Variants in UBE3C observed in about 807,000 individuals in gnomAD.
The protein encoded by UBE3C is ubiquitin protein ligase E3C.
Under a neutral mutation model 129.4 loss-of-function variants are expected in UBE3C, and 42 were observed. The observed-to-expected ratio is 0.32, with a 90% CI of 0.25 to 0.42. The LOEUF is 0.42. Among genes scored for constraint, UBE3C ranks in the 10% least tolerant of loss-of-function variants. The pLI is 1.00. For synonymous variants in UBE3C, 510 were observed against 492.4 expected (o/e 1.04, Z -0.47); for missense variants, 1,049 against 1,319.1 (o/e 0.80, Z 3.17).
intron 9 of UBE3C, 73 bp downstream of exon 9, chr7:157,184,102 C>G: frequency 1.3e-6 from 2 of 1,564,252 alleles, no homozygotes; most frequent in South Asian, 1.2e-5. Context: ...TTTCTGTCCA[C>G]CCGTAGTTTC....
At chr7:157,228,352 A>C (rs1461607854) in intron 17 of UBE3C, among the ~76,000 whole-genome samples, 3 of 152,214 alleles carry the variant, frequency 2.0e-5, no homozygotes, top group African/African-American at 7.2e-5. Context: ...AGAAACCGTC[A>C]CATTCCCTCA....
Position 157,140,165 on chromosome 7 carries a change from C to T in UBE3C, c.66+827C>T, listed in dbSNP as rs145085428. ...CTGTGTGGTCTTGTTCCCGCCCCTC[C>T]CTTCCCACCCCTTCCCATCATTTCT... is the stretch of plus-strand genomic sequence containing the variant. On this transcript the variant is annotated intron_variant, in intron 1 of 22. Coordinates refer to ENST00000348165, the MANE Select transcript of UBE3C (RefSeq NM_014671.3). 1.2e-3 allele frequency: 301 copies of T among 254,138 alleles called. 2 individuals carry two copies. The highest frequency in any genetic ancestry group is 6.4e-3 in the African/African-American group (275 of 43,284). The allele number at this position is 254,138 out of a possible 1,614,324, so 15.7% of individuals were successfully genotyped here.
intron 19 of UBE3C, 70 bp downstream of exon 19, chr7:157,248,650 C>T: frequency 6.6e-7 from 1 of 1,520,562 alleles, no homozygotes; most frequent in Non-Finnish European, 9.1e-7. Context: ...TGTGGAAGTC[C>T]ATTTGTGTTA....
At chr7:157,139,473 G>T in intron 1 of UBE3C, 135 bp downstream of exon 1, 5 of 820,194 alleles carry the variant, frequency 6.1e-6, no homozygotes, top group Middle Eastern at 4.1e-4. Context: ...CCCTGGCGGG[G>T]ACTCGGGGCT....
Position 157,192,460 on chromosome 7 carries a change from G to A in UBE3C, c.1331+5439G>A, listed in dbSNP as rs149573821. 1,750 of 749,402 alleles carry A rather than the reference G, an allele frequency of 2.3e-3. 33 individuals carry two copies. The Admixed American group carries it at 0.028, about 12-fold the overall frequency. The allele number at this position is 749,402 out of a possible 1,614,324, so 46.4% of individuals were successfully genotyped here. On this transcript the variant is annotated intron_variant, in intron 10 of 22. Coordinates refer to ENST00000348165, the MANE Select transcript of UBE3C (RefSeq NM_014671.3). Reference sequence around the variant, plus strand: ...TAGAAAATGTAAAGGCCAAGATCCAGGATAAGGAAGGAATTCCTCCTGATC... The same window carrying A: ...TAGAAAATGTAAAGGCCAAGATCCAAGATAAGGAAGGAATTCCTCCTGATC...
At chr7:157,186,116 C>T (rs1808798189) in intron 9 of UBE3C, among the ~76,000 whole-genome samples, 1 of 152,044 alleles carries the variant, frequency 6.6e-6, no homozygotes, top group Non-Finnish European at 1.5e-5. Flanking sequence ...TTTGTGTAGC[C>T]TTTGATTTTA....
chr7:157,139,390 GCTCGGGGCTGGGACTCGGGGCTGGA>G, intron 1 of UBE3C, 52 bp downstream of exon 1: 4 of 1,502,038 alleles, frequency 2.7e-6, no homozygotes, highest in Non-Finnish European at 3.5e-6. Context: ...CGCGGCCGGG[GCTCGGGGCTGGGACTCGGGGCTGGA>G]CTCGGGGCTG....
chr7:157,156,730 A>C (rs76641879), intron 1 of UBE3C, among the ~76,000 whole-genome samples: 1 of 148,216 alleles, frequency 6.7e-6, no homozygotes, highest in African/African-American at 2.6e-5. Flanking sequence ...AAAAAAAAAA[A>C]CACAAGCTAG....
chr7:157,211,167 G>GGAGAGAGAGAGAGAGA (rs3039783), intron 13 of UBE3C, among the ~76,000 whole-genome samples: 9,648 of 136,804 alleles, frequency 0.071, 462 homozygotes, highest in East Asian at 0.16. Flanking sequence ...CCATATGTCT[G>GGAGAGAGAGAGAGAGA]GAGAGAGAGA....
intron 18 of UBE3C, among the ~76,000 whole-genome samples, chr7:157,247,101 G>T (rs1043821868): frequency 6.6e-6 from 1 of 152,040 alleles, no homozygotes; most frequent in Non-Finnish European, 1.5e-5. Flanking sequence ...ATGTCGGTTG[G>T]TCTGGAACTC....
intron 4 of UBE3C, among the ~76,000 whole-genome samples, chr7:157,173,356 G>C (rs1046885261): frequency 1.3e-5 from 2 of 152,104 alleles, no homozygotes; most frequent in Non-Finnish European, 2.9e-5. Context: ...AGCCTGGGCG[G>C]TTGAATGTTG....
intron 10 of UBE3C, chr7:157,197,970 C>A: frequency 6.2e-7 from 1 of 1,609,646 alleles, no homozygotes; most frequent in Non-Finnish European, 8.5e-7. Flanking sequence ...GAACCTCAAT[C>A]TAGGTTTTAT....
intron 22 of UBE3C, 42 bp from the exon 23 acceptor site, chr7:157,267,542 CA>C (rs1252644788): frequency 6.2e-7 from 1 of 1,606,938 alleles, no homozygotes; most frequent in African/African-American, 1.3e-5. Context: ...CATGTAATGC[CA>C]TGCTTGTTAC....
intron 8 of UBE3C, 77 bp downstream of exon 8, chr7:157,182,405 A>C: frequency 6.9e-7 from 1 of 1,444,164 alleles, no homozygotes; most frequent in Non-Finnish European, 9.5e-7. Flanking sequence ...AAGGCCATGC[A>C]GTGGCAGGTG....
intron 1 of UBE3C, among the ~76,000 whole-genome samples, chr7:157,144,428 T>C (rs1442001514): frequency 6.6e-6 from 1 of 152,012 alleles, no homozygotes; most frequent in African/African-American, 2.4e-5. Flanking sequence ...AAACTTAAGT[T>C]TATAGACTGG....
chr7:157,180,021 T>C (rs1479950246), intron 6 of UBE3C, among the ~76,000 whole-genome samples: 1 of 152,224 alleles, frequency 6.6e-6, no homozygotes, highest in African/African-American at 2.4e-5. Context: ...AATTTGTATT[T>C]GTTTTCTAAA....
At chr7:157,193,889 C>T (rs1809044171) in intron 10 of UBE3C, among the ~76,000 whole-genome samples, 2 of 152,250 alleles carry the variant, frequency 1.3e-5, no homozygotes, top group East Asian at 1.9e-4. Flanking sequence ...AAATACTGTT[C>T]ATCCCTCCTG....
rs1243351358 is a variant in UBE3C, at chr7:157,182,129, C to G, written c.792C>G (p.Phe264Leu). The change falls in exon 8 of 23, where the codon TTC becomes TTG. Residue 264 changes from phenylalanine to leucine, a missense_variant. Physicochemically the swap from Phe to Leu is conservative, Grantham distance 22. Transcript: ENST00000348165. ...TCAGGCAACAAGTTTTTACAGCCTT[C>G]ACAGAGGAGTTTCTGGCAGCACCTT... ...EGARQQVFTA[F>L]TEEFLAAPFT... 1 of 1,588,138 alleles carries G rather than the reference C, an allele frequency of 6.3e-7. No individual in the cohort carries two copies. Among genetic ancestry groups the G allele is most frequent in the Non-Finnish European group, 8.5e-7 (1 of 1,171,726 alleles).
chr7:157,205,632 A>G (rs1367166714), intron 11 of UBE3C, among the ~76,000 whole-genome samples: 1 of 152,194 alleles, frequency 6.6e-6, no homozygotes, highest in African/African-American at 2.4e-5. Context: ...AGGTAGGACA[A>G]TTGTGCTTTG....
Sources: allele counts gnomAD v4.1 joint callset (sites outside exome capture counted in the v4.1 genomes callset), GRCh38; gene constraint gnomAD v4.1.1; transcripts MANE v1.5; gene names NCBI Gene and HGNC (gene_info 2026-07-23, HGNC 2026-07-21).